GRID1: variants seen among roughly 807,000 people sequenced by gnomAD.
GRID1 encodes glutamate receptor ionotropic, delta-1.
GRID1 carries 28 observed loss-of-function variants against 98.0 expected under a neutral mutation model. That is an observed-to-expected ratio of 0.29 (90% CI 0.21 to 0.39). GRID1 has a LOEUF of 0.39. Among genes scored for constraint, GRID1 ranks in the 10% least tolerant of loss-of-function variants. The probability of loss-of-function intolerance (pLI) is 1.00; values close to 1 mark genes in which losing one functional copy is unlikely to be tolerated. For synonymous variants in GRID1, 553 were observed against 538.5 expected, an observed-to-expected ratio of 1.03 and a Z score of -0.37; for missense variants, 1,111 against 1,340.5, an observed-to-expected ratio of 0.83 and a Z score of 2.67.
At chr10:85,847,038 T>C (rs1196216963) in intron 8 of GRID1, among the ~76,000 whole-genome samples, 2 of 152,160 alleles carry the variant, frequency 1.3e-5, no homozygotes, top group East Asian at 3.8e-4. Flanking sequence ...CACAAGCATC[T>C]GAGAGAGAAA....
intron 15 of GRID1, 78 bp from the exon 16 acceptor site, chr10:85,602,779 G>A: frequency 9.5e-7 from 1 of 1,056,180 alleles, no homozygotes. Context: ...CTGGATGTCT[G>A]TAGTCACCAG....
chr10:85,799,736 C>G (rs1398521599), intron 8 of GRID1, among the ~76,000 whole-genome samples: 1 of 151,882 alleles, frequency 6.6e-6, no homozygotes, highest in Non-Finnish European at 1.5e-5. Flanking sequence ...TGGAGAAGGG[C>G]AGAGGTTGTT....
At chr10:86,157,874 G>A (rs1382113447) in intron 3 of GRID1, among the ~76,000 whole-genome samples, 6 of 152,180 alleles carry the variant, frequency 3.9e-5, no homozygotes, top group South Asian at 2.1e-4. Context: ...TAGCCTCCTC[G>A]GGACTGTCCA....
chr10:85,902,896 C>G (rs7091590), intron 5 of GRID1, among the ~76,000 whole-genome samples: 5,993 of 152,162 alleles, frequency 0.039, 269 homozygotes, highest in East Asian at 0.19. Context: ...TTCTGGGACC[C>G]CCCCACAACA....
chr10:86,316,719 C>T (rs1213489849), intron 2 of GRID1, among the ~76,000 whole-genome samples: 2 of 152,236 alleles, frequency 1.3e-5, no homozygotes, highest in East Asian at 1.9e-4. Context: ...TTGCATCCTC[C>T]GAGGTCACTC....
At chr10:86,100,351 T>C (rs1053304328) in intron 4 of GRID1, among the ~76,000 whole-genome samples, 2 of 152,132 alleles carry the variant, frequency 1.3e-5, no homozygotes, top group African/African-American at 4.8e-5. Flanking sequence ...CATAACCCTA[T>C]TCAATCATTT....
At chr10:86,299,741 CAG>C (rs1441357061) in intron 2 of GRID1, among the ~76,000 whole-genome samples, 1 of 152,088 alleles carries the variant, frequency 6.6e-6, no homozygotes, top group Non-Finnish European at 1.5e-5. Flanking sequence ...CAACACCAAG[CAG>C]AGTCAAGGGC....
chr10:85,719,105 C>T (rs927559739), intron 12 of GRID1, among the ~76,000 whole-genome samples: 7 of 152,206 alleles, frequency 4.6e-5, no homozygotes, highest in African/African-American at 1.7e-4. Flanking sequence ...TTTGCTAAAA[C>T]ATAACAAGAG....
At chr10:86,012,364 A>AGT (rs10683363) in intron 4 of GRID1, among the ~76,000 whole-genome samples, 105,160 of 151,672 alleles carry the variant, frequency 0.69, 36,824 homozygotes, top group African/African-American at 0.8. Flanking sequence ...CCAGGAGTAA[A>AGT]GTACCTAGCA....
intron 8 of GRID1, among the ~76,000 whole-genome samples, chr10:85,845,292 T>A (rs1396875177): frequency 6.6e-6 from 1 of 151,936 alleles, no homozygotes; most frequent in African/African-American, 2.4e-5. Flanking sequence ...AGTAGAAAAA[T>A]CAATTTGAAA....
At chr10:85,958,102 A>ATGG in intron 4 of GRID1, among the ~76,000 whole-genome samples, 1 of 151,818 alleles carries the variant, frequency 6.6e-6, no homozygotes, top group South Asian at 2.1e-4. Context: ...ACCTCTAGAA[A>ATGG]CCCCTCTGAC....
intron 13 of GRID1, chr10:85,644,001 T>C (rs187263931): frequency 1.1e-3 from 168 of 152,256 alleles, no homozygotes; most frequent in African/African-American, 3.8e-3. Flanking sequence ...GCTAGAACAA[T>C]GATGAGGTGT....
intron 2 of GRID1, among the ~76,000 whole-genome samples, chr10:86,363,148 A>AC (rs1848623090): frequency 6.6e-6 from 1 of 152,242 alleles, no homozygotes; most frequent in African/African-American, 2.4e-5. Context: ...GAGAGGAGGG[A>AC]AAGCAGAGGG....
chr10:86,182,287 G>C (rs1235116557), intron 3 of GRID1, among the ~76,000 whole-genome samples: 1 of 152,232 alleles, frequency 6.6e-6, no homozygotes, highest in African/African-American at 2.4e-5. Flanking sequence ...GCCCCAAGCA[G>C]GGGGCGACTC....
chr10:85,759,476 G>A (rs964950344), intron 8 of GRID1, among the ~76,000 whole-genome samples: 1 of 152,106 alleles, frequency 6.6e-6, no homozygotes, highest in Non-Finnish European at 1.5e-5. Flanking sequence ...TTGACTTTAT[G>A]AACAACCAAC....
intron 2 of GRID1, among the ~76,000 whole-genome samples, chr10:86,209,072 ACAAAAT>A (rs2132021639): frequency 1.3e-5 from 2 of 152,354 alleles, no homozygotes; most frequent in East Asian, 3.8e-4. Flanking sequence ...TGAAAGTGAT[ACAAAAT>A]TGTATGTATT....
At chr10:86,298,675 C>T (rs1250598819) in intron 2 of GRID1, among the ~76,000 whole-genome samples, 1 of 152,174 alleles carries the variant, frequency 6.6e-6, no homozygotes, top group Non-Finnish European at 1.5e-5. Flanking sequence ...CCGAGGCTTC[C>T]TCACCTCCCT....
chr10:86,316,673 G>A (rs1429731003), intron 2 of GRID1, among the ~76,000 whole-genome samples: 1 of 152,060 alleles, frequency 6.6e-6, no homozygotes, highest in African/African-American at 2.4e-5. Flanking sequence ...AGCCAGCACT[G>A]TGAATTTAAA....
In GRID1 at chr10:86,248,011, G is replaced by A. The variant is rs1375976887; in HGVS notation, c.236-41363C>T. On this transcript the variant is annotated intron_variant, in intron 2 of 15. Coordinates refer to ENST00000327946, the MANE Select transcript of GRID1 (RefSeq NM_017551.3). The stretch of plus-strand genomic sequence containing the variant: ...TCCCCCCACAACCTCCACAGAGATG[G>A]GGGATCAACAAGAGCTGCCCCCAAG... 2.0e-5 allele frequency among the ~76,000 whole-genome samples: 3 copies of A among 152,216 alleles called. No individual in the cohort carries two copies. The East Asian group carries it at 5.8e-4, about 29-fold the overall frequency.
Sources: gnomAD v4.1 joint callset for allele counts (sites outside exome capture counted in the v4.1 genomes callset) on GRCh38, gnomAD v4.1.1 for gene constraint, MANE v1.5 for transcripts, NCBI Gene and HGNC (gene_info 2026-07-23, HGNC 2026-07-21) for gene names.